The following FTO variants were observed in gnomAD, a reference collection of about 807,000 sequenced individuals.
FTO encodes FTO alpha-ketoglutarate dependent dioxygenase, also known as alpha-ketoglutarate-dependent dioxygenase FTO.
Under a neutral mutation model 63.9 loss-of-function variants are expected in FTO, and 47 were observed. The observed-to-expected ratio is 0.74, with a 90% CI of 0.58 to 0.94. The LOEUF is 0.94. FTO is among the 40% of genes least tolerant of loss of function. The pLI is 0.00. For missense variants in FTO, 562 were observed against 618.1 expected (o/e 0.91, Z 0.96); for synonymous variants, 207 against 224.4 (o/e 0.92, Z 0.69).
intron 8 of FTO, among the ~76,000 whole-genome samples, chr16:54,041,823 C>A (rs369902868): frequency 1.3e-5 from 2 of 152,202 alleles, no homozygotes; most frequent in Non-Finnish European, 2.9e-5. Context: ...GCAAGACACA[C>A]GATGGAGGTT....
intron 4 of FTO, among the ~76,000 whole-genome samples, chr16:53,855,612 T>G (rs1478124764): frequency 2.6e-5 from 4 of 152,176 alleles, no homozygotes; most frequent in Non-Finnish European, 5.9e-5. Flanking sequence ...ATTCTATCCT[T>G]GAAAGCCCCT....
chr16:53,935,643 A>G (rs1247163239), intron 8 of FTO: 1 of 152,150 alleles, frequency 6.6e-6, no homozygotes, highest in Non-Finnish European at 1.5e-5. Context: ...TCCTTGCCTC[A>G]AGCGATCCTC....
At chr16:54,058,126 G>T (rs976711868) in intron 8 of FTO, among the ~76,000 whole-genome samples, 2 of 151,900 alleles carry the variant, frequency 1.3e-5, no homozygotes, top group Non-Finnish European at 2.9e-5. Flanking sequence ...TTTTGAGGGG[G>T]GAGACAGAGT....
intron 8 of FTO, among the ~76,000 whole-genome samples, chr16:53,955,086 A>G (rs2082896383): frequency 6.6e-6 from 1 of 152,184 alleles, no homozygotes; most frequent in African/African-American, 2.4e-5. Context: ...GTTTTATCCC[A>G]TAAAGCATTC....
chr16:53,796,766 A>T (rs563338457), intron 1 of FTO, among the ~76,000 whole-genome samples: 3 of 152,332 alleles, frequency 2.0e-5, no homozygotes, highest in African/African-American at 7.2e-5. Flanking sequence ...AGTAATCCTT[A>T]CTTACTCTTC....
At chr16:53,912,929 G>A (rs148952540) in intron 7 of FTO, among the ~76,000 whole-genome samples, 7 of 152,312 alleles carry the variant, frequency 4.6e-5, no homozygotes, top group African/African-American at 9.6e-5. Flanking sequence ...GTGGAAATAC[G>A]AAGAGTTCCT....
chr16:53,877,794 A>G (rs936936555), intron 5 of FTO, among the ~76,000 whole-genome samples: 4 of 151,940 alleles, frequency 2.6e-5, no homozygotes, highest in African/African-American at 9.7e-5. Flanking sequence ...ACAAAACACT[A>G]TACATCCAGA....
chr16:53,756,971 G>A (rs1051226748), intron 1 of FTO, among the ~76,000 whole-genome samples: 5 of 152,124 alleles, frequency 3.3e-5, no homozygotes, highest in East Asian at 1.9e-4. Context: ...GTTTTGTAGC[G>A]TTGTTGTTTT....
intron 3 of FTO, among the ~76,000 whole-genome samples, chr16:53,842,182 A>G (rs1280290970): frequency 6.6e-6 from 1 of 152,198 alleles, no homozygotes; most frequent in Non-Finnish European, 1.5e-5. Flanking sequence ...TGTGGATGAA[A>G]TAGAAAAACA....
At chr16:54,078,643 A>C (rs2086060543) in intron 8 of FTO, among the ~76,000 whole-genome samples, 2 of 152,030 alleles carry the variant, frequency 1.3e-5, no homozygotes. Context: ...GTAGTGCCAC[A>C]TCTTTCTGCA....
chr16:54,022,139 A>G (rs2084616633), intron 8 of FTO, among the ~76,000 whole-genome samples: 1 of 152,204 alleles, frequency 6.6e-6, no homozygotes, highest in Admixed American at 6.5e-5. Flanking sequence ...AAAAACAAAA[A>G]AACAAAAAGA....
chr16:54,006,023 A>G (rs2084194987), intron 8 of FTO, among the ~76,000 whole-genome samples: 1 of 152,216 alleles, frequency 6.6e-6, no homozygotes, highest in Non-Finnish European at 1.5e-5. Flanking sequence ...TCCCAGAGCA[A>G]TTGATAAATA....
At chr16:54,009,003 C>A (rs1205552892) in intron 8 of FTO, among the ~76,000 whole-genome samples, 3 of 79,828 alleles carry the variant, frequency 3.8e-5, no homozygotes, top group South Asian at 5.6e-4. Flanking sequence ...CAGAAAAAGA[C>A]CCTGTCCCCC....
rs187986078 is a variant in FTO, at chr16:54,069,409, C to T, written c.1365-42353C>T. Among the ~76,000 whole-genome samples, 413 of 152,224 alleles carry T rather than the reference C, an allele frequency of 2.7e-3. 3 individuals carry two copies. The highest frequency in any genetic ancestry group is 0.01 in the Admixed American group (154 of 15,286). On this transcript the variant is annotated intron_variant, in intron 8 of 8. Transcript: ENST00000471389. ...TGATTACAATCAGACGTAGGAAGGA[C>T]ATGATGCAGAGTTTAGGTTTGCATA...
intron 2 of FTO, chr16:53,814,868 A>G (rs944316628): frequency 6.6e-5 from 10 of 152,220 alleles, no homozygotes; most frequent in African/African-American, 2.4e-4. Context: ...TAGGCATTAG[A>G]AATGAAGTTG....
At chr16:53,805,510 T>C (rs8045332) in intron 1 of FTO, among the ~76,000 whole-genome samples, 107,873 of 149,436 alleles carry the variant, frequency 0.72, 40,024 homozygotes, top group African/African-American at 0.9. Flanking sequence ...TGCAGTGGCG[T>C]GATCTCGGCT....
At chr16:54,028,781 A>T (rs1400963040) in intron 8 of FTO, among the ~76,000 whole-genome samples, 2 of 152,162 alleles carry the variant, frequency 1.3e-5, no homozygotes, top group African/African-American at 4.8e-5. Flanking sequence ...TCTGCATATT[A>T]TGTAGTACTC....
chr16:53,815,610 C>T (rs1314742052), intron 2 of FTO, among the ~76,000 whole-genome samples: 2 of 147,698 alleles, frequency 1.4e-5, no homozygotes, highest in South Asian at 2.1e-4. Flanking sequence ...TCAGCATATC[C>T]ACCCTATAAG....
chr16:53,891,062 C>T (rs1598920306), intron 7 of FTO, among the ~76,000 whole-genome samples: 1 of 151,584 alleles, frequency 6.6e-6, no homozygotes, highest in African/African-American at 2.4e-5. Flanking sequence ...GCGATCTCAG[C>T]TCACTGCAAC....
Sources: gnomAD v4.1 joint callset for allele counts (sites outside exome capture counted in the v4.1 genomes callset) on GRCh38, gnomAD v4.1.1 for gene constraint, MANE v1.5 for transcripts, NCBI Gene and HGNC (gene_info 2026-07-23, HGNC 2026-07-21) for gene names.